Variants in MYRIP observed in about 807,000 individuals in gnomAD.
MYRIP encodes rab effector MyRIP.
MYRIP carries 49 observed loss-of-function variants against 98.0 expected under a neutral mutation model. That is an observed-to-expected ratio of 0.50 (90% CI 0.40 to 0.63). The LOEUF (loss-of-function observed/expected upper bound fraction) is 0.63, where lower values mean the gene tolerates loss of function less well. MYRIP is among the 30% of genes least tolerant of loss of function. The pLI, the probability that MYRIP is intolerant of heterozygous loss-of-function variation, is 0.00. For synonymous variants in MYRIP, 404 were observed against 409.5 expected, an observed-to-expected ratio of 0.99 and a Z score of 0.16; for missense variants, 1,004 against 1,058.2, an observed-to-expected ratio of 0.95 and a Z score of 0.71.
chr3:39,824,971 T>G (rs975242031), intron 1 of MYRIP, among the ~76,000 whole-genome samples: 2 of 152,168 alleles, frequency 1.3e-5, no homozygotes, highest in African/African-American at 4.8e-5. Flanking sequence ...TTCCACCTTG[T>G]ATTTCCATAG....
At chr3:40,245,362 C>T (rs1277947354) in intron 13 of MYRIP, among the ~76,000 whole-genome samples, 1 of 152,036 alleles carries the variant, frequency 6.6e-6, no homozygotes, top group East Asian at 1.9e-4. Context: ...AAAAGGGCTC[C>T]ATGTAGGCCA....
At chr3:40,055,291 T>G (rs766353559) in intron 3 of MYRIP, among the ~76,000 whole-genome samples, 4 of 152,196 alleles carry the variant, frequency 2.6e-5, no homozygotes, top group African/African-American at 4.8e-5. Flanking sequence ...GTATTAGATA[T>G]GCTACAAATG....
chr3:39,949,359 T>C (rs190578773), intron 2 of MYRIP, among the ~76,000 whole-genome samples: 49 of 152,282 alleles, frequency 3.2e-4, no homozygotes, highest in African/African-American at 1.1e-3. Flanking sequence ...TAGTGTAAAT[T>C]GATTTTGAGT....
chr3:39,876,527 G>A (rs889551100), intron 1 of MYRIP, among the ~76,000 whole-genome samples: 3 of 151,932 alleles, frequency 2.0e-5, no homozygotes, highest in Non-Finnish European at 4.4e-5. Context: ...GCTCTTTTAG[G>A]GCAGGCCTGG....
At position 40,234,074 on chromosome 3, in the gene MYRIP, C is replaced by T. The variant is rs775182716; in HGVS notation, c.2100+21C>T. 1.5e-5 allele frequency: 23 copies of T among 1,585,060 alleles called. No individual in the cohort carries two copies. In the South Asian group the frequency reaches 2.6e-4, roughly 18 times the overall value. The stretch of plus-strand genomic sequence containing the variant: ...AAAATGTAAGAGGGTATGGAGGTGC[C>T]CTGTCTAGGGTGAATGTATGTGAAG... On this transcript the variant is annotated intron_variant, in intron 12 of 16. Coordinates refer to ENST00000302541, the MANE Select transcript of MYRIP (RefSeq NM_015460.4).
chr3:39,815,765 C>T (rs1940882685), intron 1 of MYRIP, among the ~76,000 whole-genome samples: 1 of 152,108 alleles, frequency 6.6e-6, no homozygotes, highest in Non-Finnish European at 1.5e-5. Flanking sequence ...AGTGGACCTC[C>T]CAGTCTGGTA....
chr3:39,809,288 A>G (rs1940574300), upstream of MYRIP, among the ~76,000 whole-genome samples: 1 of 151,678 alleles, frequency 6.6e-6, no homozygotes, highest in Admixed American at 6.6e-5. Context: ...GGGGCTCCCG[A>G]ACCGCGGCCC....
intron 1 of MYRIP, among the ~76,000 whole-genome samples, chr3:39,894,834 G>A (rs930861103): frequency 3.3e-5 from 5 of 152,200 alleles, no homozygotes; most frequent in African/African-American, 4.8e-5. Context: ...AGATTCTTAC[G>A]CAGATTGAAA....
At chr3:40,094,580 G>C (rs1948789447) in intron 3 of MYRIP, among the ~76,000 whole-genome samples, 1 of 152,152 alleles carries the variant, frequency 6.6e-6, no homozygotes, top group African/African-American at 2.4e-5. Flanking sequence ...CTCATGTTTA[G>C]TCACCTCCTT....
intron 2 of MYRIP, among the ~76,000 whole-genome samples, chr3:40,040,981 T>TAAAA (rs201195237): frequency 1.4e-4 from 4 of 29,568 alleles, no homozygotes; most frequent in Non-Finnish European, 2.2e-4. Flanking sequence ...TAGAGTATAA[T>TAAAA]AAAAAAAAAA....
intron 10 of MYRIP, among the ~76,000 whole-genome samples, chr3:40,205,324 T>G (rs1951761999): frequency 6.6e-6 from 1 of 152,192 alleles, no homozygotes; most frequent in Non-Finnish European, 1.5e-5. Context: ...AAAGAGCTAA[T>G]GGAGTGAACT....
chr3:39,959,440 A>T (rs991870156), intron 2 of MYRIP, among the ~76,000 whole-genome samples: 1 of 152,026 alleles, frequency 6.6e-6, no homozygotes, highest in Admixed American at 6.6e-5. Context: ...ACCAAACACC[A>T]CATATTCTCA....
chr3:39,858,735 G>A (rs952689552), intron 1 of MYRIP, among the ~76,000 whole-genome samples: 3 of 151,694 alleles, frequency 2.0e-5, no homozygotes, highest in Non-Finnish European at 4.4e-5. Context: ...AATAACAGGA[G>A]GAAAATTGGA....
intron 3 of MYRIP, among the ~76,000 whole-genome samples, chr3:40,086,685 T>G (rs1000356148): frequency 3.9e-5 from 6 of 152,156 alleles, no homozygotes; most frequent in Non-Finnish European, 8.8e-5. Flanking sequence ...GCCCCTTACT[T>G]TCTGTCCTCC....
intron 12 of MYRIP, among the ~76,000 whole-genome samples, chr3:40,243,770 T>C (rs1189997146): frequency 6.6e-6 from 1 of 152,226 alleles, no homozygotes; most frequent in African/African-American, 2.4e-5. Context: ...TATAAACCTG[T>C]AAGTAAAAAA....
intron 2 of MYRIP, among the ~76,000 whole-genome samples, chr3:40,032,659 C>T (rs1947287260): frequency 6.6e-6 from 1 of 152,076 alleles, no homozygotes; most frequent in Admixed American, 6.6e-5. Context: ...GGAACTGGTA[C>T]CATTCCTTCT....
intron 2 of MYRIP, among the ~76,000 whole-genome samples, chr3:39,967,403 CA>C (rs1307300116): frequency 2.0e-5 from 3 of 151,972 alleles, no homozygotes; most frequent in Non-Finnish European, 4.4e-5. Flanking sequence ...TCCATCCATG[CA>C]AAAGAAAAGA....
At chr3:39,881,145 C>T (rs1236081920) in intron 1 of MYRIP, among the ~76,000 whole-genome samples, 1 of 152,040 alleles carries the variant, frequency 6.6e-6, no homozygotes, top group Admixed American at 6.6e-5. Flanking sequence ...TGGATAAAAT[C>T]AGTATCTTCT....
chr3:40,110,081 T>G (rs891782213), intron 3 of MYRIP, among the ~76,000 whole-genome samples: 1 of 152,188 alleles, frequency 6.6e-6, no homozygotes, highest in Admixed American at 6.5e-5. Context: ...GCCTGTTACC[T>G]CATTTCTTAC....
Sources: allele counts gnomAD v4.1 joint callset (sites outside exome capture counted in the v4.1 genomes callset), GRCh38; gene constraint gnomAD v4.1.1; transcripts MANE v1.5; gene names NCBI Gene and HGNC (gene_info 2026-07-23, HGNC 2026-07-21).